The following CYP2D6 variants were observed in gnomAD, a reference collection of about 807,000 sequenced individuals.
CYP2D6 encodes the protein cytochrome P450 family 2 subfamily D member 6 (gene/pseudogene).
A neutral mutation model predicts 43.5 loss-of-function variants in CYP2D6; 51 were observed. The ratio of observed to expected loss-of-function variants is 1.17; its 90% CI spans 0.94 to 1.48. The LOEUF (loss-of-function observed/expected upper bound fraction) is 1.48, where lower values mean the gene tolerates loss of function less well. Ranked by LOEUF, CYP2D6 falls within the 40% of genes most tolerant of loss-of-function variation. The pLI is 0.00. For missense variants in CYP2D6, 698 were observed against 688.0 expected (o/e 1.01, Z -0.16); for synonymous variants, 346 against 297.1 (o/e 1.16, Z -1.69).
At chr22:42,128,391 T>A in intron 4 of CYP2D6, 41 bp from the exon 5 acceptor site, 2 of 1,597,512 alleles carry the variant, frequency 1.3e-6, no homozygotes, top group South Asian at 2.2e-5. Flanking sequence ...TCCTGTGCTC[T>A]GCGTTCACCT....
At position 42,129,116 on chromosome 22, in the gene CYP2D6, T is replaced by A. The variant is rs1240215026; in HGVS notation, c.422A>T (p.Asn141Ile). The change falls in exon 3 of 9, where the codon AAC becomes ATC. Residue 141 changes from asparagine (N) to isoleucine (I), a missense_variant. Coordinates refer to ENST00000645361, the MANE Select transcript of CYP2D6 (RefSeq NM_000106.6). ...CAGCGACTTCTTGCCCAGGCCCAAG[T>A]TGCGCAAGGTGGACACGGAGAAGCG... ...QRRFSVSTLR[N>I]LGLGKKSLEQ... 6.2e-7 allele frequency: 1 copy of A among 1,610,654 alleles called. No individual in the cohort carries two copies. The highest frequency in any genetic ancestry group is 1.3e-5 in the African/African-American group (1 of 74,582).
chr22:42,129,251 C>G, intron 2 of CYP2D6, 66 bp from the exon 3 acceptor site: 1 of 1,559,060 alleles, frequency 6.4e-7, no homozygotes, highest in South Asian at 1.1e-5. Context: ...ACCACCCACT[C>G]CAACCCTATG....
At chr22:42,127,700 G>A in intron 6 of CYP2D6, 66 bp from the exon 7 acceptor site, 2 of 1,577,238 alleles carry the variant, frequency 1.3e-6, no homozygotes, top group Admixed American at 1.7e-5. Flanking sequence ...ACTCCTTCTT[G>A]CCTCCTATGT....
intron 2 of CYP2D6, chr22:42,129,510 C>A (rs1009016970): frequency 1.4e-5 from 10 of 726,834 alleles, no homozygotes; most frequent in African/African-American, 1.2e-4. Context: ...CCAGCCTCAC[C>A]CATTGGGCTC....
rs1400939127 is a variant in CYP2D6 at position 42,129,312 on chromosome 22, C to T, written c.353-127G>A. Reference sequence around the variant, plus strand: ...GGCTCTGTCCAGCTGGTCACAGGGCCCACTCTTTGTGCATCCACCTTGCTC... The same window carrying T: ...GGCTCTGTCCAGCTGGTCACAGGGCTCACTCTTTGTGCATCCACCTTGCTC... On this transcript the variant is annotated intron_variant, in intron 2 of 8. Coordinates refer to ENST00000645361, the MANE Select transcript of CYP2D6 (RefSeq NM_000106.6). 7 of 1,263,698 alleles carry T rather than the reference C, an allele frequency of 5.5e-6. No homozygotes were observed. The East Asian group carries it at 1.5e-4, about 27-fold the overall frequency. 78.3% of individuals were successfully genotyped at this position (1,263,698 alleles called of 1,614,324 possible).
chr22:42,127,219 C>T (rs940256168), intron 7 of CYP2D6, among the ~76,000 whole-genome samples: 1 of 151,508 alleles, frequency 6.6e-6, no homozygotes, highest in Non-Finnish European at 1.5e-5. Flanking sequence ...TTGGGTCCTC[C>T]AACATTCTGG....
intron 2 of CYP2D6, 98 bp downstream of exon 2, chr22:42,129,640 C>T (rs1011370303): frequency 1.5e-5 from 23 of 1,514,470 alleles, no homozygotes; most frequent in Middle Eastern, 1.7e-4. Context: ...TGGCCTGTTT[C>T]ATGTCCACGA....
chr22:42,129,588 T>A, intron 2 of CYP2D6, 150 bp downstream of exon 2: 1 of 1,066,984 alleles, frequency 9.4e-7, no homozygotes, highest in Non-Finnish European at 1.4e-6. Flanking sequence ...TGCTCACACC[T>A]CCCTAGTGCA....
In CYP2D6 at chr22:42,129,192, G is replaced by A. The variant is rs1931582401; in HGVS notation, c.353-7C>T. The stretch of plus-strand genomic sequence containing the variant: ...TAGCGCGCCAGGAACACCCCTGGGG[G>A]TGGGACGGGCACGTGCGCGTGGCCA... On this transcript the variant is annotated splice_region_variant and splice_polypyrimidine_tract_variant and intron_variant, in intron 2 of 8. Coordinates refer to ENST00000645361, the MANE Select transcript of CYP2D6 (RefSeq NM_000106.6). 2 of 1,602,494 alleles carry A rather than the reference G, an allele frequency of 1.2e-6. No homozygotes were observed. Among genetic ancestry groups the A allele is most frequent in the Non-Finnish European group, 1.7e-6 (2 of 1,177,776 alleles).
rs1431441389 is a variant in CYP2D6, at chr22:42,127,604, A to G, written c.1016T>C (p.Ile339Thr). 1.9e-6 allele frequency: 3 copies of G among 1,611,822 alleles called. No homozygotes were observed. Among genetic ancestry groups the G allele is most frequent in the Middle Eastern group, 1.7e-4 (1 of 6,056 alleles). ...CATCTCTGGTCGCCGCACCTGCCCTATCACGTCGTCGATCTCCTGTTGGAC... is the reference window on the plus strand; with the variant it reads ...CATCTCTGGTCGCCGCACCTGCCCTGTCACGTCGTCGATCTCCTGTTGGAC... ...RRVQQEIDDV[I>T]GQVRRPEMGD... Residue 339 changes from isoleucine (I) to threonine (T), a missense_variant, in exon 7 of 9, where the codon ATA (isoleucine) becomes ACA (threonine). Ile to Thr is a moderately conservative substitution (Grantham distance 89). Coordinates refer to ENST00000645361, the MANE Select transcript of CYP2D6 (RefSeq NM_000106.6).
At chr22:42,128,030 A>G in intron 5 of CYP2D6, 47 bp from the exon 6 acceptor site, 1 of 1,610,112 alleles carries the variant, frequency 6.2e-7, no homozygotes, top group Non-Finnish European at 8.5e-7. Flanking sequence ...GGTAGCCCCC[A>G]AATGACCTCC....
At position 42,127,828 on chromosome 22, in the gene CYP2D6, C is replaced by T. The variant is rs773066646; in HGVS notation, c.985+14G>A. 1.2e-6 allele frequency: 2 copies of T among 1,610,746 alleles called. No individual in the cohort carries two copies. The highest frequency in any genetic ancestry group is 8.5e-7 in the Non-Finnish European group (1 of 1,177,828). ...CCTCCCTCGGCCCCTGCACTGTTTCCCAGATGGGCTCACGCTGCACATCCG... is the reference window on the plus strand; with the variant it reads ...CCTCCCTCGGCCCCTGCACTGTTTCTCAGATGGGCTCACGCTGCACATCCG... On this transcript the variant is annotated intron_variant, in intron 6 of 8. Coordinates refer to ENST00000645361, the MANE Select transcript of CYP2D6 (RefSeq NM_000106.6).
Position 42,127,617 on chromosome 22 carries a change from T to G in CYP2D6, c.1003A>C (p.Ile335Leu). Reference protein sequence around the residue: ...PDVQRRVQQEIDDVIGQVRRP... With the variant: ...PDVQRRVQQELDDVIGQVRRP... ...CGCACCTGCCCTATCACGTCGTCGA[T>G]CTCCTGTTGGACACGGCCTGGACAG... is the stretch of plus-strand genomic sequence containing the variant. The change falls in exon 7 of 9, where the codon ATC (isoleucine) becomes CTC (leucine). Residue 335 changes from isoleucine to leucine, a missense_variant. Ile to Leu is a conservative substitution (Grantham distance 5, BLOSUM62 2). Around this residue, in one of 5 missense-constraint regions of CYP2D6, gnomAD observed 588 missense variants for 521.1 expected, o/e 1.13. Transcript: ENST00000645361. The G allele has an allele frequency of 6.2e-7, 1 of 1,611,508 alleles. No homozygotes were observed. The highest frequency in any genetic ancestry group is 8.5e-7 in the Non-Finnish European group (1 of 1,178,338).
chr22:42,128,732 G>C, intron 4 of CYP2D6, 52 bp downstream of exon 4: 1 of 1,574,538 alleles, frequency 6.4e-7, no homozygotes, highest in Admixed American at 1.8e-5. Context: ...TCCAGCCCCG[G>C]CACCTCTCGG....
rs180847475 is a variant in CYP2D6 at position 42,129,614 on chromosome 22, C to G, written c.352+124G>C. On this transcript the variant is annotated intron_variant, in intron 2 of 8. Coordinates refer to ENST00000645361, the MANE Select transcript of CYP2D6 (RefSeq NM_000106.6). The stretch of plus-strand genomic sequence containing the variant: ...CCCTAGTGCAGGTGGTTTCTTGGCC[C>G]GCTGTCCCCACTCGCTGGCCTGTTT... 1.4e-3 allele frequency: 1,908 copies of G among 1,336,820 alleles called. 78 individuals carry two copies. The African/African-American group carries it at 0.021, about 15-fold the overall frequency. The allele number at this position is 1,336,820 out of a possible 1,614,324, so 82.8% of individuals were successfully genotyped here.
chr22:42,129,845 T>C lies in CYP2D6; in HGVS notation c.245A>G (p.Asn82Ser), dbSNP rs200229206. Residue 82 changes from asparagine to serine, a missense_variant, in exon 2 of 9, where the codon AAT (asparagine) becomes AGT (serine). By Grantham distance (46) the Asn-to-Ser change is conservative (BLOSUM62 1). This residue lies in a region of CYP2D6 where 588 missense variants were observed against 521.1 expected (regional missense o/e 1.13). Coordinates refer to ENST00000645361, the MANE Select transcript of CYP2D6 (RefSeq NM_000106.6). The stretch of plus-strand genomic sequence containing the variant: ...CGCCTCGCGCACGGCCGCCAGCCCA[T>C]TGAGCACGACCACCGGCGTCCAGGC... The part of the protein sequence containing the change: ...QLAWTPVVVL[N>S]GLAAVREALV... The C allele has an allele frequency of 5.0e-6, 8 of 1,597,676 alleles. No homozygotes were observed. Among genetic ancestry groups the C allele is most frequent in the Non-Finnish European group, 6.0e-6 (7 of 1,171,866 alleles).
Position 42,129,195 on chromosome 22 carries a change from G to C in CYP2D6, c.353-10C>G. ...CGCGCCAGGAACACCCCTGGGGGTG[G>C]GACGGGCACGTGCGCGTGGCCATGA... On this transcript the variant is annotated splice_polypyrimidine_tract_variant and intron_variant, in intron 2 of 8. Transcript: ENST00000645361. 1.9e-6 allele frequency: 3 copies of C among 1,601,612 alleles called. No individual in the cohort carries two copies. The highest frequency in any genetic ancestry group is 1.7e-4 in the Middle Eastern group (1 of 6,056).
At chr22:42,128,037 C>A in intron 5 of CYP2D6, 54 bp from the exon 6 acceptor site, 1 of 1,609,204 alleles carries the variant, frequency 6.2e-7, no homozygotes, top group Non-Finnish European at 8.5e-7. Context: ...CCCAAATGAC[C>A]TCCAATTCTG....
At position 42,129,780 on chromosome 22, in the gene CYP2D6, C is replaced by T. The variant is rs267608308; in HGVS notation, c.310G>A (p.Val104Met). The change falls in exon 2 of 9, where the codon GTG becomes ATG. Residue 104 changes from valine (V) to methionine (M), a missense_variant. Physicochemically the swap from Val to Met is conservative, Grantham distance 21. Transcript: ENST00000645361. The stretch of plus-strand genomic sequence containing the variant: ...AAACCCAGGATCTGGGTGATGGGCA[C>T]AGGCGGGCGGTCGGCGGTGTCCTCG... ...HGEDTADRPP[V>M]PITQILGFGP... 2 of 1,608,992 alleles carry T rather than the reference C, an allele frequency of 1.2e-6. No homozygotes were observed. Among genetic ancestry groups the T allele is most frequent in the African/African-American group, 1.3e-5 (1 of 74,444 alleles).
Sources: gnomAD v4.1 joint callset for allele counts (sites outside exome capture counted in the v4.1 genomes callset) on GRCh38, gnomAD v4.1.1 for gene constraint, gnomAD v4.1.1 regional missense constraint, MANE v1.5 for transcripts, NCBI Gene and HGNC (gene_info 2026-07-23, HGNC 2026-07-21) for gene names.